FILIP1L: variants seen among roughly 807,000 people sequenced by gnomAD.
FILIP1L encodes the protein filamin A interacting protein 1 like.
FILIP1L carries 55 observed loss-of-function variants against 96.6 expected under a neutral mutation model. That is an observed-to-expected ratio of 0.57 (90% CI 0.46 to 0.71). The LOEUF is 0.71. Among genes scored for constraint, FILIP1L ranks in the 30% least tolerant of loss-of-function variants. The probability of loss-of-function intolerance (pLI) is 0.00; values close to 1 mark genes in which losing one functional copy is unlikely to be tolerated. For missense variants in FILIP1L, 1,304 were observed against 1,321.2 expected (o/e 0.99, Z 0.20); for synonymous variants, 467 against 473.9 (o/e 0.99, Z 0.19).
chr3:100,007,918 T>G (rs1385531497), intron 1 of FILIP1L, among the ~76,000 whole-genome samples: 2 of 152,138 alleles, frequency 1.3e-5, no homozygotes, highest in Non-Finnish European at 2.9e-5. Context: ...TTGCATATAG[T>G]TACTAGTTTT....
intron 4 of FILIP1L, among the ~76,000 whole-genome samples, chr3:99,900,597 T>G (rs1193367907): frequency 6.6e-6 from 1 of 152,210 alleles, no homozygotes; most frequent in Non-Finnish European, 1.5e-5. Flanking sequence ...TTCATAAAAG[T>G]TATTTGTTCC....
chr3:99,876,269 G>A, intron 4 of FILIP1L: 5 of 954,236 alleles, frequency 5.2e-6, no homozygotes, highest in Non-Finnish European at 6.2e-6. Context: ...CGGGGGCGCC[G>A]GTGACCGCGG....
chr3:99,981,369 C>G (rs753410313), intron 1 of FILIP1L, among the ~76,000 whole-genome samples: 1 of 152,198 alleles, frequency 6.6e-6, no homozygotes, highest in Non-Finnish European at 1.5e-5. Context: ...CTCCACCCAT[C>G]TGGCTTCTGT....
chr3:99,887,279 A>C lies in FILIP1L; in HGVS notation c.606-36209T>G, dbSNP rs1705932321. ...CAAAACTCCATCTCAAAAAAAAAAAAAGTATCAGGCTTAGAAATATCTGGT... is the reference window on the plus strand; with the variant it reads ...CAAAACTCCATCTCAAAAAAAAAAACAGTATCAGGCTTAGAAATATCTGGT... On this transcript the variant is annotated intron_variant, in intron 4 of 5. Transcript: ENST00000477258. Among the ~76,000 whole-genome samples, 4 of 152,158 alleles carry C rather than the reference A, an allele frequency of 2.6e-5. No homozygotes were observed. The South Asian group carries it at 8.3e-4, about 32-fold the overall frequency.
intron 4 of FILIP1L, among the ~76,000 whole-genome samples, chr3:99,920,741 T>C (rs1707099691): frequency 6.6e-6 from 1 of 152,166 alleles, no homozygotes; most frequent in Non-Finnish European, 1.5e-5. Flanking sequence ...TGGCCTGAGC[T>C]CAATGTGTGA....
At position 100,043,661 on chromosome 3, in the gene FILIP1L, A is replaced by G. The variant is rs529759136; in HGVS notation, c.-11+70392T>C. ...AAGGTGATTATGATATGTTGAATTT[A>G]TTTTTTAAAACTTTTTTTACAAAAT... On this transcript the variant is annotated intron_variant, in intron 1 of 5. Coordinates refer to ENST00000477258, the MANE Select transcript of FILIP1L (RefSeq NM_001387850.1). Among the ~76,000 whole-genome samples the G allele has an allele frequency of 2.6e-5, 4 of 152,310 alleles. No homozygotes were observed. The East Asian group carries it at 7.7e-4, about 29-fold the overall frequency.
chr3:99,929,747 C>T (rs190967891), intron 3 of FILIP1L, 109 bp downstream of exon 3: 9 of 749,046 alleles, frequency 1.2e-5, no homozygotes, highest in Admixed American at 6.1e-5. Context: ...GCTTTAAGTG[C>T]GTTAGAAAGT....
At chr3:99,871,830 G>A (rs939265565) in intron 4 of FILIP1L, among the ~76,000 whole-genome samples, 13 of 152,106 alleles carry the variant, frequency 8.5e-5, no homozygotes, top group Admixed American at 3.3e-4. Context: ...TTTGCCAGCC[G>A]GAGGACCTTT....
chr3:99,909,854 A>G (rs974272995), intron 4 of FILIP1L, among the ~76,000 whole-genome samples: 1 of 152,244 alleles, frequency 6.6e-6, no homozygotes, highest in Non-Finnish European at 1.5e-5. Context: ...TGAAAGTCAC[A>G]GTCTGCAACC....
intron 5 of FILIP1L, among the ~76,000 whole-genome samples, chr3:99,836,312 C>T (rs1239429603): frequency 1.3e-5 from 2 of 152,048 alleles, no homozygotes; most frequent in African/African-American, 4.8e-5. Flanking sequence ...GATGTTGAAC[C>T]TGAGCAGTGG....
chr3:100,019,272 A>C (rs1342822054), intron 1 of FILIP1L, among the ~76,000 whole-genome samples: 1 of 152,182 alleles, frequency 6.6e-6, no homozygotes. Context: ...AGGCAGGAGG[A>C]TCTCTTCAGC....
chr3:99,829,775 A>G lies in FILIP1L; in HGVS notation c.*639T>C, dbSNP rs974309143. On this transcript the variant is annotated 3_prime_UTR_variant, in exon 6 of 6. Coordinates refer to ENST00000477258, the MANE Select transcript of FILIP1L (RefSeq NM_001387850.1). Reference sequence around the variant, plus strand: ...CCTAAAATATCTCAATGTTACTGAGACTAAGTGCCAGTGGTCAGGTATGCT... The same window carrying G: ...CCTAAAATATCTCAATGTTACTGAGGCTAAGTGCCAGTGGTCAGGTATGCT... 6.6e-6 allele frequency among the ~76,000 whole-genome samples: 1 copy of G among 152,192 alleles called. No individual in the cohort carries two copies. The highest frequency in any genetic ancestry group is 2.4e-5 in the African/African-American group (1 of 41,458).
intron 1 of FILIP1L, among the ~76,000 whole-genome samples, chr3:99,970,750 G>C (rs1205174466): frequency 6.6e-6 from 1 of 152,188 alleles, no homozygotes; most frequent in African/African-American, 2.4e-5. Context: ...TGCTACGATA[G>C]ACCTCAAAGG....
intron 1 of FILIP1L, among the ~76,000 whole-genome samples, chr3:100,036,974 G>C (rs997528748): frequency 1.1e-4 from 17 of 152,110 alleles, no homozygotes; most frequent in Non-Finnish European, 1.5e-5. Context: ...CTTCAAAAAT[G>C]TTAGTATCCT....
intron 1 of FILIP1L, among the ~76,000 whole-genome samples, chr3:100,089,131 A>G (rs1156673335): frequency 6.6e-6 from 1 of 152,196 alleles, no homozygotes; most frequent in East Asian, 1.9e-4. Context: ...TAAAAGTTAT[A>G]TAATATAGTT....
intron 1 of FILIP1L, among the ~76,000 whole-genome samples, chr3:100,079,585 T>A (rs538256091): frequency 6.6e-6 from 1 of 152,252 alleles, no homozygotes; most frequent in Non-Finnish European, 1.5e-5. Flanking sequence ...AGTGTCACTT[T>A]TGATTATTAA....
At chr3:99,980,270 C>T (rs183636850) in intron 1 of FILIP1L, among the ~76,000 whole-genome samples, 5 of 152,228 alleles carry the variant, frequency 3.3e-5, no homozygotes, top group East Asian at 1.9e-4. Flanking sequence ...ACTAATCTTA[C>T]CTCTGTGACT....
At chr3:100,037,260 C>G (rs535406360) in intron 1 of FILIP1L, among the ~76,000 whole-genome samples, 2 of 152,182 alleles carry the variant, frequency 1.3e-5, no homozygotes, top group African/African-American at 4.8e-5. Flanking sequence ...GACATGATGT[C>G]TGCAACTTAC....
At chr3:99,878,885 A>G (rs1225066601) in intron 4 of FILIP1L, among the ~76,000 whole-genome samples, 6 of 152,226 alleles carry the variant, frequency 3.9e-5, no homozygotes, top group African/African-American at 1.4e-4. Flanking sequence ...TCTTTCAACC[A>G]AAATTCTTTC....
Sources: allele counts gnomAD v4.1 joint callset (sites outside exome capture counted in the v4.1 genomes callset), GRCh38; gene constraint gnomAD v4.1.1; transcripts MANE v1.5; gene names NCBI Gene and HGNC (gene_info 2026-07-23, HGNC 2026-07-21).